PRDM1: variants seen among roughly 807,000 people sequenced by gnomAD.
PRDM1 encodes the protein PR/SET domain 1.
A neutral mutation model predicts 62.8 loss-of-function variants in PRDM1; 13 were observed. The observed-to-expected ratio is 0.21, with a 90% CI of 0.13 to 0.33. The LOEUF is 0.33. Among genes scored for constraint, PRDM1 ranks in the 10% least tolerant of loss-of-function variants. The probability of loss-of-function intolerance (pLI) is 1.00; values close to 1 mark genes in which losing one functional copy is unlikely to be tolerated. For missense variants in PRDM1, 895 were observed against 1,058.8 expected, an observed-to-expected ratio of 0.85 and a Z score of 2.15; for synonymous variants, 396 against 417.6, an observed-to-expected ratio of 0.95 and a Z score of 0.63.
At chr6:106,091,322 C>G (rs1042175041) in intron 2 of PRDM1, among the ~76,000 whole-genome samples, 20 of 152,180 alleles carry the variant, frequency 1.3e-4, no homozygotes, top group African/African-American at 4.3e-4. Context: ...ATTATTAACT[C>G]AAGCCATCTG....
chr6:106,068,506 A>G (rs1454028604), intron 1 of PRDM1, among the ~76,000 whole-genome samples: 1 of 152,140 alleles, frequency 6.6e-6, no homozygotes, highest in African/African-American at 2.4e-5. Context: ...AAGTTATAGT[A>G]TCTTGTAAAC....
chr6:106,018,944 A>G (rs1044392143), intron 1 of PRDM1, among the ~76,000 whole-genome samples: 2 of 152,084 alleles, frequency 1.3e-5, no homozygotes, highest in African/African-American at 2.4e-5. Context: ...CAGAGTATCT[A>G]CATACATTAT....
At chr6:106,011,438 A>G (rs1225425570) in intron 1 of PRDM1, among the ~76,000 whole-genome samples, 1 of 152,164 alleles carries the variant, frequency 6.6e-6, no homozygotes, top group Admixed American at 6.5e-5. Context: ...GAATACCAGG[A>G]CTTGCCTGGG....
At chr6:106,088,673 A>C (rs886547186) in intron 2 of PRDM1, among the ~76,000 whole-genome samples, 6 of 152,236 alleles carry the variant, frequency 3.9e-5, no homozygotes, top group Non-Finnish European at 8.8e-5. Context: ...AAACAGTTAA[A>C]TATTTTGGCA....
chr6:106,072,943 C>A (rs957765495), intron 1 of PRDM1, among the ~76,000 whole-genome samples: 7 of 152,060 alleles, frequency 4.6e-5, no homozygotes, highest in Non-Finnish European at 8.8e-5. Context: ...AATGATGTTA[C>A]AAGGGAGTAG....
At chr6:106,072,880 C>T (rs1226258949) in intron 1 of PRDM1, among the ~76,000 whole-genome samples, 3 of 152,270 alleles carry the variant, frequency 2.0e-5, no homozygotes, top group East Asian at 1.9e-4. Context: ...CCCTGGAAGA[C>T]GTAGCCTATG....
chr6:106,051,169 A>C (rs1773167589), intron 1 of PRDM1, among the ~76,000 whole-genome samples: 1 of 152,260 alleles, frequency 6.6e-6, no homozygotes, highest in Admixed American at 6.5e-5. Flanking sequence ...GAAACTTAAG[A>C]AGGATCACAA....
intron 1 of PRDM1, among the ~76,000 whole-genome samples, chr6:106,074,670 A>AG (rs1306076530): frequency 2.4e-4 from 37 of 152,094 alleles, no homozygotes; most frequent in Non-Finnish European, 2.9e-5. Flanking sequence ...TTGGGGGACG[A>AG]GGGGGGATAT....
intron 1 of PRDM1, among the ~76,000 whole-genome samples, chr6:106,021,576 G>A (rs1772695769): frequency 6.6e-6 from 1 of 152,178 alleles, no homozygotes; most frequent in African/African-American, 2.4e-5. Flanking sequence ...TAATTGAGAA[G>A]CAAAATGGAA....
At chr6:106,052,418 T>C (rs62420732) in intron 1 of PRDM1, among the ~76,000 whole-genome samples, 6,525 of 152,290 alleles carry the variant, frequency 0.043, 155 homozygotes, top group Non-Finnish European at 0.059. Context: ...TTTCTGGTTA[T>C]TGATGCCTTT....
chr6:106,089,231 G>C (rs567976218), intron 2 of PRDM1, among the ~76,000 whole-genome samples: 1 of 152,334 alleles, frequency 6.6e-6, no homozygotes, highest in East Asian at 1.9e-4. Context: ...CTTGTTTTCA[G>C]AATTTGGCTT....
intron 1 of PRDM1, among the ~76,000 whole-genome samples, chr6:106,043,351 G>A (rs932311777): frequency 6.6e-6 from 1 of 152,184 alleles, no homozygotes; most frequent in African/African-American, 2.4e-5. Flanking sequence ...GACTATGTCA[G>A]TTTTGCTGAA....
At chr6:106,105,972 G>A (rs752801509) in intron 5 of PRDM1, 39 bp downstream of exon 5, 1 of 1,572,124 alleles carries the variant, frequency 6.4e-7, no homozygotes, top group Non-Finnish European at 8.6e-7. Context: ...GGCTGTGAGT[G>A]CATGCTTGTG....
At position 106,027,465 on chromosome 6, in the gene PRDM1, A is replaced by G. The variant is rs976036996; in HGVS notation, c.-67+33826A>G. ...TACGACAGAATGCGGATGGTCCGGG[A>G]CTTCTGCTGGGCTTGTGTGATCAGT... On this transcript the variant is annotated intron_variant, in intron 1 of 6. Coordinates refer to the PRDM1 transcript ENST00000652320. 5.5e-4 allele frequency among the ~76,000 whole-genome samples: 83 copies of G among 152,178 alleles called. 3 individuals carry two copies. Among genetic ancestry groups the G allele is most frequent in the Non-Finnish European group, 1.5e-5 (1 of 68,032 alleles).
At chr6:106,076,700 T>C (rs375776835) in intron 1 of PRDM1, among the ~76,000 whole-genome samples, 7 of 152,222 alleles carry the variant, frequency 4.6e-5, no homozygotes, top group Non-Finnish European at 1.0e-4. Context: ...CACAAACAAA[T>C]GGATTATATG....
In PRDM1 at chr6:106,105,137, G is replaced by A. The variant is rs763109744; in HGVS notation, c.977G>A (p.Arg326His). The A allele has an allele frequency of 1.2e-6, 2 of 1,613,004 alleles. No individual in the cohort carries two copies. The highest frequency in any genetic ancestry group is 2.2e-5 in the South Asian group (2 of 91,030). ...YGIERPTYIT[R>H]SPIPSSTTPS... ...ATCGAGAGACCCACGTACATCACTCGCTCCCCCATTCCATCCTCCACCACT... is the reference window on the plus strand; with the variant it reads ...ATCGAGAGACCCACGTACATCACTCACTCCCCCATTCCATCCTCCACCACT... The change falls in exon 5 of 7, where the codon CGC becomes CAC. Residue 326 changes from arginine (R) to histidine (H), a missense_variant. By Grantham distance (29) the Arg-to-His change is conservative. Coordinates refer to ENST00000369096, the MANE Select transcript of PRDM1 (RefSeq NM_001198.4).
At chr6:106,033,345 ATC>A (rs1332859877) in intron 1 of PRDM1, among the ~76,000 whole-genome samples, 1 of 150,752 alleles carries the variant, frequency 6.6e-6, no homozygotes. Flanking sequence ...TAGAGACAGA[ATC>A]TCTCTATATT....
chr6:106,086,368 C>T lies in PRDM1; in HGVS notation c.-186C>T, dbSNP rs1045122626. The T allele has an allele frequency of 1.8e-6, 1 of 545,860 alleles. No homozygotes were observed. Among genetic ancestry groups the T allele is most frequent in the East Asian group, 3.0e-5 (1 of 33,106 alleles). 33.8% of individuals were successfully genotyped at this position (545,860 alleles called of 1,614,324 possible). A position where few individuals can be genotyped will look rare whatever the true frequency, so the allele number is the denominator to read the frequency against. Reference sequence around the variant, plus strand: ...ACAAAGTGCTGCCGTGACACTCGGCCCTCCAGTGTTGCGGAGAGGCAAGAG... The same window carrying T: ...ACAAAGTGCTGCCGTGACACTCGGCTCTCCAGTGTTGCGGAGAGGCAAGAG... On this transcript the variant is annotated 5_prime_UTR_variant, in exon 1 of 7. Transcript: ENST00000369096.
At chr6:106,089,541 G>A (rs1773904797) in intron 2 of PRDM1, among the ~76,000 whole-genome samples, 1 of 152,152 alleles carries the variant, frequency 6.6e-6, no homozygotes, top group Admixed American at 6.5e-5. Flanking sequence ...TTGGTGAGGG[G>A]GAGACACAGC....
Sources: gnomAD v4.1 joint callset for allele counts (sites outside exome capture counted in the v4.1 genomes callset) on GRCh38, gnomAD v4.1.1 for gene constraint, MANE v1.5 for transcripts, NCBI Gene and HGNC (gene_info 2026-07-23, HGNC 2026-07-21) for gene names.